Variants in JAZF1 observed in about 807,000 individuals in gnomAD.
The protein encoded by JAZF1 is JAZF zinc finger 1, also known as juxtaposed with another zinc finger protein 1.
A neutral mutation model predicts 26.4 loss-of-function variants in JAZF1; 8 were observed. The observed-to-expected ratio is 0.30, with a 90% CI of 0.18 to 0.55. The LOEUF (loss-of-function observed/expected upper bound fraction) is 0.55, where lower values mean the gene tolerates loss of function less well. Ranked by LOEUF, JAZF1 falls within the 20% of genes least tolerant of loss-of-function variation. The pLI is 0.94. For missense variants in JAZF1, 199 were observed against 322.0 expected (o/e 0.62, Z 2.92); for synonymous variants, 126 against 122.3 (o/e 1.03, Z -0.20).
intron 1 of JAZF1, chr7:28,020,742 G>C (rs1269736336): frequency 6.4e-6 from 3 of 469,746 alleles, no homozygotes; most frequent in African/African-American, 4.0e-5. Context: ...CCATGCTAGT[G>C]GCTGAAGCCT....
chr7:28,151,453 T>C (rs1447796312), intron 1 of JAZF1, among the ~76,000 whole-genome samples: 3 of 152,074 alleles, frequency 2.0e-5, no homozygotes, highest in African/African-American at 7.2e-5. Flanking sequence ...AAATGTACTA[T>C]AATTTATTTT....
intron 1 of JAZF1, among the ~76,000 whole-genome samples, chr7:28,128,605 A>G (rs1782738548): frequency 6.6e-6 from 1 of 152,214 alleles, no homozygotes; most frequent in Non-Finnish European, 1.5e-5. Flanking sequence ...CAACCTGTGC[A>G]TTAATAAGCC....
intron 1 of JAZF1, among the ~76,000 whole-genome samples, chr7:28,170,296 T>C (rs1783434921): frequency 6.6e-6 from 1 of 151,564 alleles, no homozygotes. Context: ...CATAATTACA[T>C]GATTTTAATT....
rs189276997 is a variant in JAZF1, at chr7:28,029,258, T to A, written c.116-37277A>T. On this transcript the variant is annotated intron_variant, in intron 1 of 4. Transcript: ENST00000283928. The stretch of plus-strand genomic sequence containing the variant: ...ACCAACAATTCACTTTTATGCTGGA[T>A]CACTAAATAATATGGCAAAATTTTA... Among the ~76,000 whole-genome samples the A allele has an allele frequency of 1.6e-4, 25 of 152,272 alleles. No individual in the cohort carries two copies. In the East Asian group the frequency reaches 4.6e-3, roughly 28 times the overall value.
chr7:27,936,430 A>G (rs974109147), intron 2 of JAZF1, among the ~76,000 whole-genome samples: 4 of 152,228 alleles, frequency 2.6e-5, no homozygotes, highest in Admixed American at 6.5e-5. Flanking sequence ...ACATGCTTCA[A>G]CTGGATTAGT....
chr7:27,955,561 T>C (rs1785074237), intron 2 of JAZF1, among the ~76,000 whole-genome samples: 1 of 152,204 alleles, frequency 6.6e-6, no homozygotes, highest in South Asian at 2.1e-4. Flanking sequence ...TGTGAGTCAA[T>C]AACAAATCGT....
At chr7:27,982,310 G>C (rs1006614210) in intron 2 of JAZF1, among the ~76,000 whole-genome samples, 1 of 152,236 alleles carries the variant, frequency 6.6e-6, no homozygotes, top group Non-Finnish European at 1.5e-5. Flanking sequence ...TATATCCCGC[G>C]CATGGCTCAG....
At chr7:27,919,940 T>A (rs945178197) in intron 2 of JAZF1, among the ~76,000 whole-genome samples, 4 of 152,216 alleles carry the variant, frequency 2.6e-5, no homozygotes, top group African/African-American at 9.6e-5. Flanking sequence ...CAAGTTGTAT[T>A]ACTGCTTGCA....
At chr7:27,915,870 A>T (rs1386936258) in intron 2 of JAZF1, among the ~76,000 whole-genome samples, 1 of 152,240 alleles carries the variant, frequency 6.6e-6, no homozygotes, top group Non-Finnish European at 1.5e-5. Context: ...ATTCAAGGTA[A>T]CAGTGAAATA....
At chr7:27,921,872 A>G (rs1450034832) in intron 2 of JAZF1, among the ~76,000 whole-genome samples, 1 of 152,208 alleles carries the variant, frequency 6.6e-6, no homozygotes, top group Non-Finnish European at 1.5e-5. Context: ...CAAAAATAGA[A>G]AAGTATTTTT....
chr7:27,989,767 C>A (rs376893113), intron 2 of JAZF1, among the ~76,000 whole-genome samples: 2 of 152,054 alleles, frequency 1.3e-5, no homozygotes, highest in African/African-American at 4.8e-5. Context: ...TGGCAATCAT[C>A]AAAAAGTCAG....
chr7:27,895,123 C>T (rs1784037182), intron 3 of JAZF1, 97 bp downstream of exon 3: 3 of 669,948 alleles, frequency 4.5e-6, no homozygotes, highest in South Asian at 5.4e-5. Flanking sequence ...TCTGTGTCGT[C>T]ATCTGTCCCC....
At chr7:28,066,180 T>A (rs926889953) in intron 1 of JAZF1, among the ~76,000 whole-genome samples, 1 of 152,110 alleles carries the variant, frequency 6.6e-6, no homozygotes, top group African/African-American at 2.4e-5. Flanking sequence ...TTCTAACAAT[T>A]ACAGAAACAA....
chr7:27,911,332 T>C (rs1784356636), intron 2 of JAZF1, among the ~76,000 whole-genome samples: 1 of 152,198 alleles, frequency 6.6e-6, no homozygotes, highest in Non-Finnish European at 1.5e-5. Flanking sequence ...ATTACCTTAT[T>C]TAATCCTCAT....
At chr7:28,129,132 C>A (rs1346351251) in intron 1 of JAZF1, among the ~76,000 whole-genome samples, 1 of 140,984 alleles carries the variant, frequency 7.1e-6, no homozygotes, top group Non-Finnish European at 1.5e-5. Flanking sequence ...GAGGGTCTTT[C>A]TTAGTCATAC....
At position 27,831,988 on chromosome 7, in the gene JAZF1, A is replaced by AT. The variant is rs1782712583; in HGVS notation, c.*811dup. The AT allele has an allele frequency of 4.6e-6, 1 of 219,092 alleles. No homozygotes were observed. The highest frequency in any genetic ancestry group is 5.8e-5 in the Admixed American group (1 of 17,248). 13.6% of individuals were successfully genotyped at this position (219,092 alleles called of 1,614,324 possible). ...TCTAACAGATTTCAGGGAAAAAAGT[A>AT]TTTCACTAAATGGGTATCTTGGTCC... On this transcript the variant is annotated 3_prime_UTR_variant, in exon 5 of 5. Transcript: ENST00000283928.
At chr7:27,871,527 C>CAGAT (rs957894956) in intron 3 of JAZF1, among the ~76,000 whole-genome samples, 1 of 152,158 alleles carries the variant, frequency 6.6e-6, no homozygotes, top group African/African-American at 2.4e-5. Context: ...GATTAATGAA[C>CAGAT]AGATACTCAG....
intron 1 of JAZF1, among the ~76,000 whole-genome samples, chr7:28,015,576 C>T (rs1052365095): frequency 6.6e-6 from 1 of 152,072 alleles, no homozygotes; most frequent in Non-Finnish European, 1.5e-5. Flanking sequence ...CAATGGGTGC[C>T]TATGGCATTA....
intron 2 of JAZF1, among the ~76,000 whole-genome samples, chr7:27,974,754 C>T (rs1028036072): frequency 1.3e-5 from 2 of 152,122 alleles, no homozygotes; most frequent in Non-Finnish European, 2.9e-5. Flanking sequence ...GGCTGTTCTT[C>T]TGAAGCTATG....
Sources: allele counts gnomAD v4.1 joint callset (sites outside exome capture counted in the v4.1 genomes callset), GRCh38; gene constraint gnomAD v4.1.1; transcripts MANE v1.5; gene names NCBI Gene and HGNC (gene_info 2026-07-23, HGNC 2026-07-21).